ZC3H3: variants seen among roughly 807,000 people sequenced by gnomAD.
ZC3H3 encodes the protein zinc finger CCCH domain-containing protein 3.
ZC3H3 carries 36 observed loss-of-function variants against 77.3 expected under a neutral mutation model. The observed-to-expected ratio is 0.47, with a 90% CI of 0.36 to 0.61. ZC3H3 has a LOEUF of 0.61. Ranked by LOEUF, ZC3H3 falls within the 20% of genes least tolerant of loss-of-function variation. ZC3H3 has a pLI of 0.00. For missense variants in ZC3H3, 1,331 were observed against 1,312.2 expected (o/e 1.01, Z -0.22); for synonymous variants, 626 against 555.2 (o/e 1.13, Z -1.79).
chr8:143,444,223 C>T (rs2129796474), intron 9 of ZC3H3, among the ~76,000 whole-genome samples: 1 of 152,274 alleles, frequency 6.6e-6, no homozygotes, highest in East Asian at 1.9e-4. Flanking sequence ...ATCCACCCAC[C>T]TCAGCCTCCC....
chr8:143,522,436 C>T (rs939546368), intron 3 of ZC3H3, among the ~76,000 whole-genome samples: 1 of 152,086 alleles, frequency 6.6e-6, no homozygotes. Flanking sequence ...AACCCCATCT[C>T]TACCAAAAAC....
At chr8:143,441,536 G>A (rs926280941) in intron 9 of ZC3H3, among the ~76,000 whole-genome samples, 12 of 152,146 alleles carry the variant, frequency 7.9e-5, no homozygotes, top group African/African-American at 2.2e-4. Flanking sequence ...AGGCTGGGCC[G>A]GGAGAGGGTG....
intron 3 of ZC3H3, among the ~76,000 whole-genome samples, chr8:143,510,649 T>C (rs918606173): frequency 6.6e-6 from 1 of 152,218 alleles, no homozygotes; most frequent in Non-Finnish European, 1.5e-5. Context: ...CTTGGGAGGC[T>C]GCAGGACGCT....
intron 1 of ZC3H3, among the ~76,000 whole-genome samples, chr8:143,539,816 A>C (rs1277925989): frequency 6.6e-6 from 1 of 152,228 alleles, no homozygotes; most frequent in Non-Finnish European, 1.5e-5. Flanking sequence ...AAAAAAGAAT[A>C]CTAGGAGCAG....
chr8:143,512,353 C>CCT (rs1323494991), intron 3 of ZC3H3, among the ~76,000 whole-genome samples: 2 of 152,254 alleles, frequency 1.3e-5, no homozygotes, highest in Non-Finnish European at 2.9e-5. Flanking sequence ...CTCCACACTG[C>CCT]CTATGTCCTT....
At chr8:143,516,450 C>T (rs1286410535) in intron 3 of ZC3H3, among the ~76,000 whole-genome samples, 1 of 152,020 alleles carries the variant, frequency 6.6e-6, no homozygotes, top group Non-Finnish European at 1.5e-5. Flanking sequence ...CCCCATTAGG[C>T]CCTCCCTGCC....
intron 3 of ZC3H3, among the ~76,000 whole-genome samples, chr8:143,513,523 G>A (rs1011540356): frequency 1.3e-5 from 2 of 152,322 alleles, no homozygotes; most frequent in East Asian, 1.9e-4. Context: ...GGCTGATGGC[G>A]CTCTTGGAGA....
rs563929172 is a variant in ZC3H3, at chr8:143,513,096, A to T, written c.1562-5197T>A. Among the ~76,000 whole-genome samples the T allele has an allele frequency of 6.6e-5, 10 of 152,134 alleles. No individual in the cohort carries two copies. The South Asian group carries it at 2.1e-3, about 32-fold the overall frequency. On this transcript the variant is annotated intron_variant, in intron 3 of 11. Transcript: ENST00000262577. ...GGGGCGTGGGAGGAGAGCTGGGGGCACTGGGAGTCAGGGCCAGACCCGCCC... is the reference window on the plus strand; with the variant it reads ...GGGGCGTGGGAGGAGAGCTGGGGGCTCTGGGAGTCAGGGCCAGACCCGCCC...
chr8:143,468,113 C>T (rs1820462153), intron 8 of ZC3H3, 96 bp downstream of exon 8: 1 of 1,456,212 alleles, frequency 6.9e-7, no homozygotes, highest in South Asian at 1.2e-5. Context: ...ATGTCCCAAA[C>T]CCAGAGAAAG....
At chr8:143,488,983 C>T (rs1010751570) in intron 4 of ZC3H3, among the ~76,000 whole-genome samples, 15 of 152,374 alleles carry the variant, frequency 9.8e-5, no homozygotes, top group African/African-American at 3.4e-4. Flanking sequence ...CTGACGCTGA[C>T]GAGGCCCGGA....
Position 143,441,081 on chromosome 8 carries a change from G to A in ZC3H3, c.2347C>T (p.Arg783Cys), listed in dbSNP as rs778085476. 3.7e-5 allele frequency: 54 copies of A among 1,464,438 alleles called. No homozygotes were observed. The highest frequency in any genetic ancestry group is 1.4e-4 in the East Asian group (5 of 35,574). 90.7% of individuals were successfully genotyped at this position (1,464,438 alleles called of 1,614,324 possible). Residue 783 changes from arginine to cysteine, a missense_variant, in exon 10 of 12, where the codon CGC (arginine) becomes TGC (cysteine). By Grantham distance (180) the Arg-to-Cys change is radical. Transcript: ENST00000262577. The stretch of plus-strand genomic sequence containing the variant: ...GCGCCGCGGGGACACGCCCCCCTGC[G>A]GGCAAAGTCGGGGCACAGCAGCGTG... ...KHTLLCPDFARRGACPRGAQC... is the reference protein window; with the variant it reads ...KHTLLCPDFACRGACPRGAQC...
chr8:143,441,085 A>G lies in ZC3H3; in HGVS notation c.2343T>C (p.Phe781=), dbSNP rs747132794. The G allele has an allele frequency of 2.7e-6, 4 of 1,465,114 alleles. No homozygotes were observed. Among genetic ancestry groups the G allele is most frequent in the Admixed American group, 3.2e-5 (1 of 31,614 alleles). The allele number at this position is 1,465,114 out of a possible 1,614,324, so 90.8% of individuals were successfully genotyped here. The change falls in exon 10 of 12, where the codon TTT becomes TTC. Residue 781 remains phenylalanine, a synonymous_variant. Coordinates refer to ENST00000262577, the MANE Select transcript of ZC3H3 (RefSeq NM_015117.3). ...KKKHTLLCPD[F]ARRGACPRGA... is the part of the protein sequence containing the mutation. ...CGCGGGGACACGCCCCCCTGCGGGC[A>G]AAGTCGGGGCACAGCAGCGTGTGTT... is the stretch of plus-strand genomic sequence containing the variant.
At position 143,460,074 on chromosome 8, in the gene ZC3H3, T is replaced by C. The variant is rs573797647; in HGVS notation, c.2307+5643A>G. 6.9e-4 allele frequency among the ~76,000 whole-genome samples: 105 copies of C among 152,012 alleles called. No homozygotes were observed. The highest frequency in any genetic ancestry group is 2.2e-3 in the African/African-American group (92 of 41,374). ...CCAGCCTGGCCCCATGGTGTGACCC[T>C]GTCTCTACTAAAAACACAAAAATTA... On this transcript the variant is annotated intron_variant, in intron 9 of 11. Coordinates refer to ENST00000262577, the MANE Select transcript of ZC3H3 (RefSeq NM_015117.3). This position sits in a 1 kb window ranked among gnomAD's most constrained non-coding sequence, Gnocchi z 4.0.
At chr8:143,499,048 A>C (rs921378575) in intron 4 of ZC3H3, among the ~76,000 whole-genome samples, 5 of 152,046 alleles carry the variant, frequency 3.3e-5, no homozygotes, top group Non-Finnish European at 5.9e-5. Context: ...GAAGGGGCGG[A>C]GAGCTGCCGA....
intron 4 of ZC3H3, among the ~76,000 whole-genome samples, chr8:143,492,208 G>C (rs913275208): frequency 6.6e-6 from 1 of 152,194 alleles, no homozygotes; most frequent in African/African-American, 2.4e-5. Flanking sequence ...CAAAGCCTCG[G>C]GGGGAGGAGT....
At chr8:143,454,489 T>C (rs1043065521) in intron 9 of ZC3H3, among the ~76,000 whole-genome samples, 1 of 151,248 alleles carries the variant, frequency 6.6e-6, no homozygotes, top group African/African-American at 2.4e-5. Flanking sequence ...CACTGCAAGC[T>C]CCGCCTCCCG....
rs758070937 is a variant in ZC3H3 at position 143,533,300 on chromosome 8, G to C, written c.1561+2957C>G. On this transcript the variant is annotated intron_variant, in intron 3 of 11. Coordinates refer to ENST00000262577, the MANE Select transcript of ZC3H3 (RefSeq NM_015117.3). The surrounding 1 kb of genome is among the most constrained non-coding windows in gnomAD (Gnocchi z 4.0). ...GTAAGCTCGTTCCCACCTCCACCTC[G>C]GCCTCAGAGCTGAGCCCTATTCGCT... Among the ~76,000 whole-genome samples the C allele has an allele frequency of 6.6e-6, 1 of 152,068 alleles. No individual in the cohort carries two copies. Among genetic ancestry groups the C allele is most frequent in the East Asian group, 1.9e-4 (1 of 5,188 alleles).
At chr8:143,445,901 G>C (rs1475559986) in intron 9 of ZC3H3, among the ~76,000 whole-genome samples, 1 of 152,026 alleles carries the variant, frequency 6.6e-6, no homozygotes, top group Non-Finnish European at 1.5e-5. Flanking sequence ...GGAGAATAAT[G>C]GTCAAGAATA....
At chr8:143,467,061 G>A (rs1820427821) in intron 8 of ZC3H3, among the ~76,000 whole-genome samples, 3 of 152,322 alleles carry the variant, frequency 2.0e-5, no homozygotes, top group Middle Eastern at 3.4e-3. Flanking sequence ...TAACGAGCGG[G>A]AGTTTATTTC....
Sources: allele counts gnomAD v4.1 joint callset (sites outside exome capture counted in the v4.1 genomes callset), GRCh38; gene constraint gnomAD v4.1.1; non-coding constraint Gnocchi (gnomAD v3.1); transcripts MANE v1.5; gene names NCBI Gene and HGNC (gene_info 2026-07-23, HGNC 2026-07-21).